The following ULK4 variants were observed in gnomAD, a reference collection of about 807,000 sequenced individuals.
ULK4 encodes the protein unc-51 like kinase 4, also known as inactive serine/threonine-protein kinase ULK4.
ULK4 carries 133 observed loss-of-function variants against 160.6 expected under a neutral mutation model. That is an observed-to-expected ratio of 0.83 (90% CI 0.72 to 0.96). The LOEUF (loss-of-function observed/expected upper bound fraction) is 0.96. Ranked by LOEUF, ULK4 falls within the 40% of genes least tolerant of loss-of-function variation. The pLI is 0.00. For missense variants in ULK4, 1,580 were observed against 1,499.5 expected (o/e 1.05, Z -0.89); for synonymous variants, 534 against 539.8 (o/e 0.99, Z 0.15).
Position 41,900,818 on chromosome 3 carries a change from T to C in ULK4, c.1194A>G (p.Gly398=). 2 of 1,613,224 alleles carry C rather than the reference T, an allele frequency of 1.2e-6. 1 individual carries two copies. The highest frequency in any genetic ancestry group is 4.5e-5 in the East Asian group (2 of 44,852). ...ATTCCAGGTCCTGCTGACTCAGGTG[T>C]CCACTTGTAATCTGAAATGAGAACA... ...KTSPLTKITS[G]HLSQQDLESQ... is the part of the protein sequence containing the mutation. The change falls in exon 13 of 37, where the codon GGA becomes GGG. Residue 398 remains glycine (G), a synonymous_variant. Coordinates refer to ENST00000301831, the MANE Select transcript of ULK4 (RefSeq NM_017886.4).
intron 21 of ULK4, among the ~76,000 whole-genome samples, chr3:41,788,600 G>A (rs1016597811): frequency 5.3e-5 from 8 of 151,832 alleles, no homozygotes; most frequent in Non-Finnish European, 1.0e-4. Context: ...TGAGGCAAGA[G>A]AACAGCGTGA....
At position 41,954,769 on chromosome 3, in the gene ULK4, G is replaced by A. The variant is rs550258869; in HGVS notation, c.-10C>T. On this transcript the variant is annotated 5_prime_UTR_variant, in exon 2 of 37. Coordinates refer to ENST00000301831, the MANE Select transcript of ULK4 (RefSeq NM_017886.4). Reference sequence around the variant, plus strand: ...GAATAAAGTTTTCCATCTCTGGGCCGACTTCTCACATACAATAGAATAACA... The same window carrying A: ...GAATAAAGTTTTCCATCTCTGGGCCAACTTCTCACATACAATAGAATAACA... 8.1e-6 allele frequency: 13 copies of A among 1,606,428 alleles called. 1 individual carries two copies. The highest frequency in any genetic ancestry group is 7.8e-5 in the South Asian group (7 of 89,524).
At chr3:41,698,516 G>A (rs1311571284) in intron 27 of ULK4, among the ~76,000 whole-genome samples, 1 of 152,002 alleles carries the variant, frequency 6.6e-6, no homozygotes, top group African/African-American at 2.4e-5. Context: ...AACCAATAAG[G>A]ATAATGCAAA....
intron 17 of ULK4, among the ~76,000 whole-genome samples, chr3:41,842,243 T>C (rs1002178205): frequency 6.7e-5 from 10 of 148,844 alleles, no homozygotes; most frequent in South Asian, 2.1e-4. Context: ...AAGTTCAAGG[T>C]TGCAGTGAGC....
At chr3:41,252,032 C>A (rs2078751927) in intron 35 of ULK4, among the ~76,000 whole-genome samples, 1 of 152,184 alleles carries the variant, frequency 6.6e-6, no homozygotes, top group South Asian at 2.1e-4. Context: ...CCCAGACTGA[C>A]CCCTGGGGAG....
chr3:41,873,479 T>A (rs1457670089), intron 17 of ULK4, among the ~76,000 whole-genome samples: 1 of 152,194 alleles, frequency 6.6e-6, no homozygotes, highest in East Asian at 1.9e-4. Flanking sequence ...CACTTTCTTG[T>A]TCATTCACAT....
chr3:41,692,008 G>C (rs1030465244), intron 27 of ULK4, among the ~76,000 whole-genome samples: 6 of 131,718 alleles, frequency 4.6e-5, no homozygotes, highest in African/African-American at 1.8e-4. Flanking sequence ...CTGGAGTGCA[G>C]TAGTGCGATC....
chr3:41,736,757 A>G (rs538888869), intron 22 of ULK4, among the ~76,000 whole-genome samples: 2,029 of 151,422 alleles, frequency 0.013, 32 homozygotes, highest in Middle Eastern at 0.034. Context: ...TTAGACATGA[A>G]GTCCTTGCCC....
At chr3:41,496,065 A>T (rs960822200) in intron 32 of ULK4, among the ~76,000 whole-genome samples, 5 of 152,130 alleles carry the variant, frequency 3.3e-5, no homozygotes, top group Non-Finnish European at 7.4e-5. Flanking sequence ...TAGTATTTGT[A>T]AAACGTATCA....
At chr3:41,498,707 T>C (rs2085082355) in intron 32 of ULK4, among the ~76,000 whole-genome samples, 1 of 152,062 alleles carries the variant, frequency 6.6e-6, no homozygotes, top group African/African-American at 2.4e-5. Flanking sequence ...GCCATTCTCC[T>C]GCCTCAGCCT....
At chr3:41,787,277 C>T (rs1250224959) in intron 21 of ULK4, among the ~76,000 whole-genome samples, 1 of 152,144 alleles carries the variant, frequency 6.6e-6, no homozygotes, top group African/African-American at 2.4e-5. Context: ...CTCCACCATG[C>T]TGTACAATGT....
chr3:41,614,145 A>G (rs1452057688), intron 31 of ULK4, among the ~76,000 whole-genome samples: 3 of 152,228 alleles, frequency 2.0e-5, no homozygotes, highest in Non-Finnish European at 4.4e-5. Flanking sequence ...ATTGCCGAAG[A>G]TAAGGTAAGA....
intron 34 of ULK4, among the ~76,000 whole-genome samples, chr3:41,426,447 C>T (rs551033878): frequency 3.2e-4 from 49 of 152,246 alleles, no homozygotes; most frequent in East Asian, 3.1e-3. Flanking sequence ...AGAACTCTCC[C>T]GGACAAACAA....
intron 32 of ULK4, among the ~76,000 whole-genome samples, chr3:41,490,343 C>T (rs1187112235): frequency 6.6e-6 from 1 of 152,170 alleles, no homozygotes; most frequent in Admixed American, 6.5e-5. Flanking sequence ...CACTCCAGCT[C>T]CAGCACAGAC....
intron 30 of ULK4, among the ~76,000 whole-genome samples, chr3:41,659,685 A>C (rs1410639255): frequency 6.6e-6 from 1 of 151,906 alleles, no homozygotes. Flanking sequence ...AAAAAAAAAA[A>C]GTTCAGTGTA....
intron 21 of ULK4, 72 bp from the exon 22 acceptor site, chr3:41,754,560 C>A: frequency 6.7e-7 from 1 of 1,494,322 alleles, no homozygotes; most frequent in Non-Finnish European, 9.1e-7. Flanking sequence ...TCAGAGTGAA[C>A]AGACTATAAT....
chr3:41,348,518 G>A (rs1237093199), intron 35 of ULK4, among the ~76,000 whole-genome samples: 1 of 152,076 alleles, frequency 6.6e-6, no homozygotes, highest in African/African-American at 2.4e-5. Context: ...CAGAGAGGAT[G>A]AGTGAGCTCA....
intron 18 of ULK4, among the ~76,000 whole-genome samples, chr3:41,833,208 G>C (rs1343538986): frequency 6.7e-6 from 1 of 150,096 alleles, no homozygotes; most frequent in Non-Finnish European, 1.5e-5. Context: ...TTATTTCCTT[G>C]AGCAATGGTT....
intron 32 of ULK4, among the ~76,000 whole-genome samples, chr3:41,497,799 C>CTGA (rs1178096288): frequency 6.6e-6 from 1 of 152,056 alleles, no homozygotes; most frequent in Non-Finnish European, 1.5e-5. Flanking sequence ...GGAGGACTGC[C>CTGA]TGAGGTCAGG....
Sources: allele counts gnomAD v4.1 joint callset (sites outside exome capture counted in the v4.1 genomes callset), GRCh38; gene constraint gnomAD v4.1.1; transcripts MANE v1.5; gene names NCBI Gene and HGNC (gene_info 2026-07-23, HGNC 2026-07-21).